FSD2: variants seen among roughly 807,000 people sequenced by gnomAD.
FSD2 encodes the protein fibronectin type III and SPRY domain-containing protein 2.
Under a neutral mutation model 80.4 loss-of-function variants are expected in FSD2, and 71 were observed. The observed-to-expected ratio is 0.88, with a 90% CI of 0.73 to 1.08. The LOEUF (loss-of-function observed/expected upper bound fraction) is 1.08. FSD2 is among the 50% of genes least tolerant of loss of function. FSD2 has a pLI of 0.00. For missense variants in FSD2, 923 were observed against 913.8 expected, an observed-to-expected ratio of 1.01 and a Z score of -0.13; for synonymous variants, 361 against 329.5, an observed-to-expected ratio of 1.10 and a Z score of -1.03.
intron 7 of FSD2, 118 bp downstream of exon 7, chr15:82,771,955 C>G: frequency 1.9e-6 from 2 of 1,072,158 alleles, no homozygotes; most frequent in Non-Finnish European, 2.6e-6. Context: ...ATCCAATCCT[C>G]TGCATGTCTA....
intron 6 of FSD2, among the ~76,000 whole-genome samples, chr15:82,777,223 G>A (rs1425442675): frequency 6.6e-6 from 1 of 152,058 alleles, no homozygotes; most frequent in Admixed American, 6.6e-5. Flanking sequence ...ATAGGCAAAT[G>A]GCACTACATC....
At chr15:82,797,612 C>A (rs950920339) in intron 1 of FSD2, among the ~76,000 whole-genome samples, 4 of 152,116 alleles carry the variant, frequency 2.6e-5, no homozygotes, top group African/African-American at 9.7e-5. Flanking sequence ...AGATCGAAAC[C>A]GTCCTGGCTA....
chr15:82,765,647 G>A (rs572585770), intron 10 of FSD2, among the ~76,000 whole-genome samples: 2 of 152,294 alleles, frequency 1.3e-5, no homozygotes, highest in South Asian at 2.1e-4. Context: ...ACCTCTAGCT[G>A]TAATGCCTGT....
Position 82,765,878 on chromosome 15 carries a change from T to C in FSD2, c.1687+20A>G. 1 of 1,590,704 alleles carries C rather than the reference T, an allele frequency of 6.3e-7. No homozygotes were observed. Among genetic ancestry groups the C allele is most frequent in the Non-Finnish European group, 8.6e-7 (1 of 1,166,352 alleles). On this transcript the variant is annotated intron_variant, in intron 10 of 12. Transcript: ENST00000334574. ...GTGGCCACTTTGGGTCCCAGAGACT[T>C]TGTGGGCTGGGGCACAGACCTATGG...
intron 12 of FSD2, among the ~76,000 whole-genome samples, chr15:82,760,203 T>G (rs921127846): frequency 1.3e-5 from 2 of 152,224 alleles, no homozygotes; most frequent in Admixed American, 1.3e-4. Flanking sequence ...ATAGAACATG[T>G]TTTTAAAATT....
At chr15:82,772,544 A>G (rs1004289721) in intron 6 of FSD2, among the ~76,000 whole-genome samples, 2 of 152,194 alleles carry the variant, frequency 1.3e-5, no homozygotes, top group Admixed American at 1.3e-4. Context: ...CGTGGCACCT[A>G]AAGAGGCAGG....
intron 6 of FSD2, among the ~76,000 whole-genome samples, chr15:82,773,935 G>A (rs949479375): frequency 2.6e-5 from 4 of 152,128 alleles, no homozygotes; most frequent in African/African-American, 9.7e-5. Context: ...AAAATACTGT[G>A]CAAGGAAAAA....
intron 8 of FSD2, among the ~76,000 whole-genome samples, chr15:82,769,340 C>T (rs1439060134): frequency 2.6e-5 from 4 of 151,722 alleles, no homozygotes; most frequent in South Asian, 2.1e-4. Flanking sequence ...GAGGCCGAGG[C>T]GGGTGGATCA....
At chr15:82,762,049 C>T (rs1339227183) in intron 12 of FSD2, 53 bp downstream of exon 12, 53 of 1,424,358 alleles carry the variant, frequency 3.7e-5, no homozygotes, top group Non-Finnish European at 4.9e-5. Flanking sequence ...AAAGGTCTTG[C>T]TGTAATCTTT....
intron 4 of FSD2, among the ~76,000 whole-genome samples, chr15:82,782,065 A>AAATAAT (rs71455428): frequency 0.095 from 10,109 of 106,886 alleles, 546 homozygotes; most frequent in East Asian, 0.16. Context: ...CTCCATCTCA[A>AAATAAT]AATAATAATA....
chr15:82,787,304 A>G lies in FSD2; in HGVS notation c.87T>C (p.Ser29=). 1 of 1,613,928 alleles carries G rather than the reference A, an allele frequency of 6.2e-7. No homozygotes were observed. Among genetic ancestry groups the G allele is most frequent in the Non-Finnish European group, 8.5e-7 (1 of 1,179,882 alleles). The change falls in exon 2 of 13, where the codon TCT becomes TCC. Residue 29 remains serine (S), a synonymous_variant. Transcript: ENST00000334574. ...FHFYHMDLYD[S]EDRLHLFPEE... Reference sequence around the variant, plus strand: ...CTGGAAAGAGGTGCAGTCTGTCTTCAGAGTCATACAGGTCCATGTGGTAAA... The same window carrying G: ...CTGGAAAGAGGTGCAGTCTGTCTTCGGAGTCATACAGGTCCATGTGGTAAA...
chr15:82,803,132 T>C (rs2050452433), intron 1 of FSD2, among the ~76,000 whole-genome samples: 1 of 152,064 alleles, frequency 6.6e-6, no homozygotes, highest in African/African-American at 2.4e-5. Flanking sequence ...TTTCCCTCTT[T>C]CCTGGGACCC....
intron 5 of FSD2, among the ~76,000 whole-genome samples, chr15:82,779,875 G>C (rs1004593571): frequency 6.6e-6 from 1 of 152,088 alleles, no homozygotes; most frequent in Non-Finnish European, 1.5e-5. Context: ...ACTGCTATCT[G>C]TCTGATTCTA....
Position 82,800,538 on chromosome 15 carries a change from A to C in FSD2, c.-79+5428T>G, listed in dbSNP as rs191121630. On this transcript the variant is annotated intron_variant, in intron 1 of 12. Coordinates refer to ENST00000334574, the MANE Select transcript of FSD2 (RefSeq NM_001007122.4). ...GAAACCCCGTCTCTACTAAAAATAC[A>C]AAAATTAGCTGGGCGTCGTGGTGGG... 6.6e-3 allele frequency among the ~76,000 whole-genome samples: 1,010 copies of C among 151,930 alleles called. 5 individuals are homozygous for C. The highest frequency in any genetic ancestry group is 8.9e-3 in the Non-Finnish European group (606 of 67,912).
intron 9 of FSD2, among the ~76,000 whole-genome samples, chr15:82,767,401 G>A (rs1386221728): frequency 6.6e-6 from 1 of 152,212 alleles, no homozygotes; most frequent in African/African-American, 2.4e-5. Context: ...AGGAGGAACT[G>A]AAACATGACC....
At chr15:82,799,007 A>T (rs1200966414) in intron 1 of FSD2, among the ~76,000 whole-genome samples, 1 of 151,686 alleles carries the variant, frequency 6.6e-6, no homozygotes, top group African/African-American at 2.4e-5. Context: ...CCTCCTGAGC[A>T]GATGGGATCA....
intron 6 of FSD2, among the ~76,000 whole-genome samples, chr15:82,774,759 G>A (rs2049671821): frequency 6.7e-6 from 1 of 148,506 alleles, no homozygotes; most frequent in Admixed American, 6.7e-5. Flanking sequence ...GTCTCGCTCT[G>A]TCACCAGTTT....
chr15:82,764,270 G>T (rs1378319566), intron 11 of FSD2, among the ~76,000 whole-genome samples: 1 of 152,110 alleles, frequency 6.6e-6, no homozygotes, highest in South Asian at 2.1e-4. Context: ...CTCTTCATTT[G>T]CATAGGGTGT....
chr15:82,784,511 T>A (rs1020318186), intron 3 of FSD2, among the ~76,000 whole-genome samples: 2 of 152,130 alleles, frequency 1.3e-5, no homozygotes, highest in African/African-American at 4.8e-5. Flanking sequence ...CCTCCCAAAG[T>A]GCTGAAATTA....
Sources: gnomAD v4.1 joint callset for allele counts (sites outside exome capture counted in the v4.1 genomes callset) on GRCh38, gnomAD v4.1.1 for gene constraint, MANE v1.5 for transcripts, NCBI Gene and HGNC (gene_info 2026-07-23, HGNC 2026-07-21) for gene names.